The following ROBO2 variants were observed in gnomAD, a reference collection of about 807,000 sequenced individuals.
ROBO2 encodes roundabout homolog 2.
Under a neutral mutation model 160.8 loss-of-function variants are expected in ROBO2, and 53 were observed. That is an observed-to-expected ratio of 0.33 (90% CI 0.26 to 0.41). The LOEUF is 0.41. Ranked by LOEUF, ROBO2 falls within the 10% of genes least tolerant of loss-of-function variation. ROBO2 has a pLI of 1.00. For synonymous variants in ROBO2, 664 were observed against 611.7 expected (o/e 1.09, Z -1.26); for missense variants, 1,577 against 1,722.4 (o/e 0.92, Z 1.49).
chr3:76,634,575 A>G (rs57315615), intron 2 of ROBO2, among the ~76,000 whole-genome samples: 31 of 69,216 alleles, frequency 4.5e-4, no homozygotes, highest in East Asian at 1.2e-3. Context: ...CTCAAAGAGA[A>G]AAAAAAAAAA....
At chr3:76,837,949 C>T (rs1385944055) in intron 2 of ROBO2, among the ~76,000 whole-genome samples, 1 of 151,816 alleles carries the variant, frequency 6.6e-6, no homozygotes, top group East Asian at 1.9e-4. Flanking sequence ...GAGTATTTTC[C>T]CAACCTTTAT....
At chr3:76,553,994 G>A (rs2083563157) in intron 2 of ROBO2, among the ~76,000 whole-genome samples, 2 of 152,092 alleles carry the variant, frequency 1.3e-5, no homozygotes, top group South Asian at 4.1e-4. Flanking sequence ...TGCATACCAG[G>A]AGACCCAGAA....
chr3:76,645,649 A>G (rs975123591), intron 2 of ROBO2, among the ~76,000 whole-genome samples: 7 of 152,216 alleles, frequency 4.6e-5, no homozygotes, highest in Non-Finnish European at 4.4e-5. Flanking sequence ...GACAGACTTC[A>G]TGGAAGAAGT....
intron 2 of ROBO2, among the ~76,000 whole-genome samples, chr3:76,376,047 G>A (rs1211150024): frequency 6.6e-6 from 1 of 151,976 alleles, no homozygotes; most frequent in Non-Finnish European, 1.5e-5. Flanking sequence ...AGAAGACTGT[G>A]TCTTATATTT....
chr3:76,978,822 G>T (rs2059936875), intron 2 of ROBO2, among the ~76,000 whole-genome samples: 1 of 151,732 alleles, frequency 6.6e-6, no homozygotes, highest in Non-Finnish European at 1.5e-5. Context: ...AGCAAAGACA[G>T]AGAAGATATT....
intron 2 of ROBO2, among the ~76,000 whole-genome samples, chr3:75,951,921 TTATC>T (rs1948552706): frequency 6.6e-6 from 1 of 151,996 alleles, no homozygotes; most frequent in Non-Finnish European, 1.5e-5. Flanking sequence ...CTGTTTTCCT[TTATC>T]AATCAAAATA....
intron 2 of ROBO2, among the ~76,000 whole-genome samples, chr3:75,956,353 G>C (rs4087713): frequency 6.6e-6 from 1 of 151,436 alleles, no homozygotes. Context: ...CTTACCTCTC[G>C]TCAAAATTCA....
intron 2 of ROBO2, among the ~76,000 whole-genome samples, chr3:76,185,195 GATATATATAT>G (rs1219580267): frequency 1.8e-4 from 8 of 44,496 alleles, no homozygotes; most frequent in East Asian, 9.9e-4. Flanking sequence ...AGTAAACACA[GATATATATAT>G]ATATATATAT....
At chr3:76,579,662 A>G (rs930162171) in intron 2 of ROBO2, among the ~76,000 whole-genome samples, 2 of 151,974 alleles carry the variant, frequency 1.3e-5, no homozygotes, top group African/African-American at 4.8e-5. Flanking sequence ...CATGTCTAAT[A>G]TGTTTACCTA....
At chr3:76,901,485 T>A (rs1228670280) in intron 2 of ROBO2, among the ~76,000 whole-genome samples, 2 of 147,834 alleles carry the variant, frequency 1.4e-5, no homozygotes, top group Admixed American at 6.9e-5. Flanking sequence ...GGAGAATTGC[T>A]TGAAACTGGG....
chr3:76,954,860 TA>T (rs1199920964), intron 2 of ROBO2, among the ~76,000 whole-genome samples: 4 of 152,160 alleles, frequency 2.6e-5, no homozygotes, highest in South Asian at 2.1e-4. Flanking sequence ...CATGTACACA[TA>T]AAAAATTATA....
chr3:76,232,960 G>A (rs886934271), intron 2 of ROBO2, among the ~76,000 whole-genome samples: 4 of 152,010 alleles, frequency 2.6e-5, no homozygotes, highest in African/African-American at 2.4e-5. Flanking sequence ...ATCTCGCACC[G>A]TCACTCTCTT....
chr3:76,889,487 T>C (rs1401213618), intron 2 of ROBO2, among the ~76,000 whole-genome samples: 3 of 152,126 alleles, frequency 2.0e-5, no homozygotes, highest in Non-Finnish European at 4.4e-5. Flanking sequence ...CTGATAAACA[T>C]GGTAAAGACT....
intron 2 of ROBO2, among the ~76,000 whole-genome samples, chr3:76,144,752 T>G (rs779613509): frequency 4.6e-4 from 70 of 152,036 alleles, no homozygotes; most frequent in Admixed American, 8.5e-4. Context: ...GGAATATGGA[T>G]GAACTTCAGC....
intron 2 of ROBO2, among the ~76,000 whole-genome samples, chr3:76,101,285 TAAC>T (rs1178800671): frequency 6.6e-5 from 10 of 152,152 alleles, no homozygotes; most frequent in African/African-American, 2.4e-4. Context: ...AAAATTGAGA[TAAC>T]AACTAGGTTT....
intron 2 of ROBO2, among the ~76,000 whole-genome samples, chr3:76,141,404 A>G (rs1368563818): frequency 6.6e-6 from 1 of 150,834 alleles, no homozygotes; most frequent in Non-Finnish European, 1.5e-5. Flanking sequence ...CAATATACCC[A>G]TGTAACAAAC....
At chr3:76,243,192 G>A (rs1301876691) in intron 2 of ROBO2, among the ~76,000 whole-genome samples, 3 of 152,022 alleles carry the variant, frequency 2.0e-5, no homozygotes, top group Admixed American at 1.3e-4. Context: ...GTATCCTCTC[G>A]CGGCCCCTTT....
chr3:76,218,737 C>A (rs557529278), intron 2 of ROBO2, among the ~76,000 whole-genome samples: 3 of 152,078 alleles, frequency 2.0e-5, no homozygotes, highest in Admixed American at 1.3e-4. Context: ...GGCCATACTG[C>A]CCAAGGTAAT....
chr3:76,688,578 T>G (rs1380262753), intron 2 of ROBO2, among the ~76,000 whole-genome samples: 2 of 147,220 alleles, frequency 1.4e-5, no homozygotes, highest in Non-Finnish European at 3.0e-5. Context: ...TCTTTTTTTG[T>G]AGACTAGGGA....
Sources: gnomAD v4.1 joint callset for allele counts (sites outside exome capture counted in the v4.1 genomes callset) on GRCh38, gnomAD v4.1.1 for gene constraint, MANE v1.5 for transcripts, NCBI Gene and HGNC (gene_info 2026-07-23, HGNC 2026-07-21) for gene names.